The following FER1L6 variants were observed in gnomAD, a reference collection of about 807,000 sequenced individuals.
FER1L6 encodes fer-1-like protein 6.
FER1L6 carries 177 observed loss-of-function variants against 219.2 expected under a neutral mutation model. The observed-to-expected ratio is 0.81, with a 90% CI of 0.71 to 0.91. The LOEUF (loss-of-function observed/expected upper bound fraction) is 0.91, where lower values mean the gene tolerates loss of function less well. Ranked by LOEUF, FER1L6 falls within the 40% of genes least tolerant of loss-of-function variation. The pLI is 0.00. For missense variants in FER1L6, 2,153 were observed against 2,259.9 expected (o/e 0.95, Z 0.96); for synonymous variants, 768 against 824.3 (o/e 0.93, Z 1.17).
intron 34 of FER1L6, among the ~76,000 whole-genome samples, chr8:124,094,469 T>C (rs568119554): frequency 6.6e-6 from 1 of 152,204 alleles, no homozygotes; most frequent in East Asian, 1.9e-4. Flanking sequence ...TTTCTTTCCC[T>C]GTTCCTTAGG....
intron 12 of FER1L6, 145 bp downstream of exon 12, chr8:123,986,321 C>G (rs540452375): frequency 1.7e-6 from 1 of 578,246 alleles, no homozygotes; most frequent in East Asian, 2.9e-5. Flanking sequence ...TCCTTGTCTA[C>G]TCTATTGTCA....
intron 13 of FER1L6, among the ~76,000 whole-genome samples, chr8:124,009,213 C>A (rs1817801562): frequency 6.6e-6 from 1 of 152,208 alleles, no homozygotes. Context: ...TTAAAACCAT[C>A]CTCCTTCTGC....
chr8:123,956,177 AGT>A, intron 2 of FER1L6, 103 bp downstream of exon 2: 2 of 1,031,936 alleles, frequency 1.9e-6, no homozygotes, highest in Non-Finnish European at 2.9e-6. Context: ...AGCGAGGGGG[AGT>A]GTGAATGTGC....
intron 40 of FER1L6, 68 bp downstream of exon 40, chr8:124,119,012 A>T: frequency 7.6e-7 from 1 of 1,307,884 alleles, no homozygotes; most frequent in Non-Finnish European, 1.1e-6. Flanking sequence ...CTGGTGTCTG[A>T]TAATGGCATT....
chr8:124,119,910 T>G lies in FER1L6; in HGVS notation c.*120T>G. On this transcript the variant is annotated 3_prime_UTR_variant, in exon 41 of 41. Transcript: ENST00000522917. ...GAGTGCTAAGGGGACAGATCAACCC[T>G]TCTTGGAAGAGATGGAAAAGAAACA... is the stretch of plus-strand genomic sequence containing the variant. 9.9e-7 allele frequency: 1 copy of G among 1,012,574 alleles called. No homozygotes were observed. Among genetic ancestry groups the G allele is most frequent in the Non-Finnish European group, 1.4e-6 (1 of 719,568 alleles). The allele number at this position is 1,012,574 out of a possible 1,614,324, so 62.7% of individuals were successfully genotyped here.
At chr8:123,882,464 G>A (rs771107363) in intron 1 of FER1L6, among the ~76,000 whole-genome samples, 2 of 152,158 alleles carry the variant, frequency 1.3e-5, no homozygotes, top group Non-Finnish European at 2.9e-5. Flanking sequence ...TGGGAACAGG[G>A]CCCACATCTA....
intron 11 of FER1L6, among the ~76,000 whole-genome samples, chr8:123,982,443 G>T (rs892954049): frequency 1.3e-5 from 2 of 152,180 alleles, no homozygotes; most frequent in Non-Finnish European, 2.9e-5. Flanking sequence ...TTGTCTACAG[G>T]CTGTTGGAGG....
At chr8:124,094,765 G>C in intron 34 of FER1L6, 131 bp from the exon 35 acceptor site, 1 of 1,013,856 alleles carries the variant, frequency 9.9e-7, no homozygotes, top group East Asian at 2.4e-5. Flanking sequence ...GGGATTACAG[G>C]TGTGAACCAC....
At chr8:124,010,497 G>A (rs1170072327) in intron 13 of FER1L6, 97 bp from the exon 14 acceptor site, 22 of 1,442,060 alleles carry the variant, frequency 1.5e-5, no homozygotes, top group East Asian at 9.3e-5. Context: ...CATGCCTCCC[G>A]AGTCCTGCCC....
At chr8:123,992,632 A>G (rs1816914224) in intron 12 of FER1L6, among the ~76,000 whole-genome samples, 1 of 151,806 alleles carries the variant, frequency 6.6e-6, no homozygotes, top group Non-Finnish European at 1.5e-5. Context: ...TGGTCTATTG[A>G]TTTTGCTTAT....
chr8:123,898,109 TTAATC>T (rs1349343846), intron 1 of FER1L6, among the ~76,000 whole-genome samples: 1 of 152,152 alleles, frequency 6.6e-6, no homozygotes, highest in Non-Finnish European at 1.5e-5. Flanking sequence ...GTACTGTAGT[TTAATC>T]AAAATGTAAT....
At chr8:123,987,833 TG>T (rs1816664852) in intron 12 of FER1L6, among the ~76,000 whole-genome samples, 1 of 152,142 alleles carries the variant, frequency 6.6e-6, no homozygotes, top group African/African-American at 2.4e-5. Context: ...GTTCACTGGC[TG>T]GGTGCGGTGG....
rs995486351 is a variant in FER1L6, at chr8:123,939,240, A to T, written c.-7-16752A>T. The T allele has an allele frequency of 2.1e-5, 20 of 960,818 alleles. No homozygotes were observed. In the East Asian group the frequency reaches 2.1e-3, roughly 100 times the overall value. 59.5% of individuals were successfully genotyped at this position (960,818 alleles called of 1,614,324 possible). The stretch of plus-strand genomic sequence containing the variant: ...GTCCATTCAGTTTGGGAACCATGAC[A>T]TTCTGTGGTACTTTTGTATTTTTGA... On this transcript the variant is annotated intron_variant, in intron 1 of 40. Transcript: ENST00000522917.
At chr8:123,991,989 G>T (rs1209749071) in intron 12 of FER1L6, among the ~76,000 whole-genome samples, 1 of 151,884 alleles carries the variant, frequency 6.6e-6, no homozygotes, top group Non-Finnish European at 1.5e-5. Context: ...CTGTTTATTT[G>T]ATGTATCACT....
intron 18 of FER1L6, among the ~76,000 whole-genome samples, chr8:124,029,118 T>A (rs944434000): frequency 6.6e-6 from 1 of 152,248 alleles, no homozygotes; most frequent in African/African-American, 2.4e-5. Context: ...CTCATTCTTT[T>A]TTATGGCTGC....
At chr8:124,090,806 T>C (rs887848596) in intron 33 of FER1L6, among the ~76,000 whole-genome samples, 4 of 152,178 alleles carry the variant, frequency 2.6e-5, no homozygotes, top group African/African-American at 7.2e-5. Context: ...ATCAAGACTC[T>C]ATCTGTGACA....
chr8:123,939,721 C>T (rs772809576), intron 1 of FER1L6, among the ~76,000 whole-genome samples: 8 of 152,066 alleles, frequency 5.3e-5, no homozygotes, highest in South Asian at 2.1e-4. Flanking sequence ...ATGCAGTGAC[C>T]GGCAGGAAGA....
chr8:124,082,119 T>G (rs892144599), intron 32 of FER1L6, among the ~76,000 whole-genome samples, 169 bp from the exon 33 acceptor site: 1 of 152,164 alleles, frequency 6.6e-6, no homozygotes, highest in African/African-American at 2.4e-5. Flanking sequence ...GAAAATTGTT[T>G]GTACTGCAAT....
At chr8:123,982,705 G>C (rs1189803437) in intron 11 of FER1L6, among the ~76,000 whole-genome samples, 1 of 152,216 alleles carries the variant, frequency 6.6e-6, no homozygotes, top group Non-Finnish European at 1.5e-5. Flanking sequence ...AGGATCTCAT[G>C]AAGTTTCCAT....
Sources: allele counts gnomAD v4.1 joint callset (sites outside exome capture counted in the v4.1 genomes callset), GRCh38; gene constraint gnomAD v4.1.1; transcripts MANE v1.5; gene names NCBI Gene and HGNC (gene_info 2026-07-23, HGNC 2026-07-21).